The following STAC variants were observed in gnomAD, a reference collection of about 807,000 sequenced individuals.
STAC encodes SH3 and cysteine rich domain, also known as SH3 and cysteine-rich domain-containing protein.
A neutral mutation model predicts 48.8 loss-of-function variants in STAC; 43 were observed. The observed-to-expected ratio is 0.88, with a 90% confidence interval of 0.69 to 1.14. STAC has a LOEUF of 1.14. Ranked by LOEUF, STAC falls within the 50% of genes most tolerant of loss-of-function variation. The probability of loss-of-function intolerance (pLI) is 0.00; values close to 1 mark genes in which losing one functional copy is unlikely to be tolerated. For synonymous variants in STAC, 193 were observed against 179.5 expected (o/e 1.07, Z -0.60); for missense variants, 497 against 504.0 (o/e 0.99, Z 0.13).
At chr3:36,451,125 C>T (rs1696665066) in intron 2 of STAC, among the ~76,000 whole-genome samples, 1 of 152,090 alleles carries the variant, frequency 6.6e-6, no homozygotes. Flanking sequence ...GTGTTTCCTT[C>T]CATTTTGTGT....
intron 5 of STAC, among the ~76,000 whole-genome samples, chr3:36,488,161 G>A (rs1337576883): frequency 6.6e-6 from 1 of 152,146 alleles, no homozygotes; most frequent in African/African-American, 2.4e-5. Context: ...TCAAACTCCT[G>A]GAGTCAAATG....
chr3:36,428,132 T>C (rs1190503562), intron 1 of STAC, among the ~76,000 whole-genome samples: 2 of 152,242 alleles, frequency 1.3e-5, no homozygotes, highest in African/African-American at 2.4e-5. Flanking sequence ...GCTCTGCTCA[T>C]CTCTTGTCCA....
chr3:36,490,077 T>A (rs1697927233), intron 5 of STAC, among the ~76,000 whole-genome samples: 1 of 152,230 alleles, frequency 6.6e-6, no homozygotes, highest in Non-Finnish European at 1.5e-5. Context: ...AATTAAAAAC[T>A]AAAGTTTGCT....
chr3:36,419,235 C>G (rs73059984), intron 1 of STAC, among the ~76,000 whole-genome samples: 3,538 of 152,230 alleles, frequency 0.023, 61 homozygotes, highest in East Asian at 0.026. Context: ...CCTCCTCTTT[C>G]TCAGCATTTG....
chr3:36,534,697 C>A (rs1219509848), intron 10 of STAC, among the ~76,000 whole-genome samples: 1 of 151,954 alleles, frequency 6.6e-6, no homozygotes, highest in Non-Finnish European at 1.5e-5. Context: ...TTTTCCTCCT[C>A]TTCCTCCTCC....
intron 10 of STAC, among the ~76,000 whole-genome samples, chr3:36,545,163 C>A (rs879770326): frequency 6.6e-6 from 1 of 152,188 alleles, no homozygotes; most frequent in Admixed American, 6.5e-5. Flanking sequence ...GACAGCAGGA[C>A]CCTCTCTCCT....
chr3:36,449,433 G>A (rs901489032), intron 2 of STAC, among the ~76,000 whole-genome samples: 5 of 152,078 alleles, frequency 3.3e-5, no homozygotes, highest in Admixed American at 1.3e-4. Context: ...ACACTCGCAA[G>A]GGCAGATTCA....
chr3:36,530,879 T>C (rs1166845422), intron 10 of STAC, among the ~76,000 whole-genome samples: 2 of 152,142 alleles, frequency 1.3e-5, no homozygotes, highest in African/African-American at 2.4e-5. Context: ...ATTACAGGCG[T>C]GAGCCACTGC....
At chr3:36,516,459 C>T (rs1698675448) in intron 8 of STAC, among the ~76,000 whole-genome samples, 1 of 152,166 alleles carries the variant, frequency 6.6e-6, no homozygotes, top group South Asian at 2.1e-4. Flanking sequence ...TTTATACAGT[C>T]TCCTTTGCTA....
At chr3:36,499,314 G>T (rs763086046) in intron 6 of STAC, among the ~76,000 whole-genome samples, 50 of 152,228 alleles carry the variant, frequency 3.3e-4, no homozygotes, top group Admixed American at 6.5e-4. Flanking sequence ...TAAAACATTA[G>T]CTGAAATACT....
intron 10 of STAC, among the ~76,000 whole-genome samples, chr3:36,531,594 G>A (rs1699067337): frequency 6.6e-6 from 1 of 152,106 alleles, no homozygotes; most frequent in Admixed American, 6.6e-5. Flanking sequence ...TCTCACCACA[G>A]CCCACCCACC....
chr3:36,482,286 G>A (rs1213624174), intron 2 of STAC, among the ~76,000 whole-genome samples: 1 of 152,104 alleles, frequency 6.6e-6, no homozygotes, highest in Non-Finnish European at 1.5e-5. Flanking sequence ...CCTCTTATTA[G>A]GCCTCCCAGT....
chr3:36,542,822 C>A (rs1332971173), intron 10 of STAC, among the ~76,000 whole-genome samples: 2 of 152,172 alleles, frequency 1.3e-5, no homozygotes, highest in Non-Finnish European at 2.9e-5. Flanking sequence ...GACAGCTGTA[C>A]CCAGAAATCT....
chr3:36,510,014 T>C (rs1259722805), intron 8 of STAC, among the ~76,000 whole-genome samples: 1 of 151,802 alleles, frequency 6.6e-6, no homozygotes, highest in Non-Finnish European at 1.5e-5. Flanking sequence ...ATCATCAGAG[T>C]GAATAGGCAA....
chr3:36,421,207 T>C (rs111742843), intron 1 of STAC, among the ~76,000 whole-genome samples: 1 of 152,200 alleles, frequency 6.6e-6, no homozygotes, highest in East Asian at 1.9e-4. Context: ...AATGAGTACA[T>C]TAACTACATT....
At chr3:36,536,892 A>T (rs375177949) in intron 10 of STAC, among the ~76,000 whole-genome samples, 589 of 152,192 alleles carry the variant, frequency 3.9e-3, no homozygotes, top group Middle Eastern at 0.024. Flanking sequence ...GCAAAGGACA[A>T]GAACAGACAC....
chr3:36,475,283 A>T (rs1246402493), intron 2 of STAC, among the ~76,000 whole-genome samples: 1 of 151,966 alleles, frequency 6.6e-6, no homozygotes, highest in Admixed American at 6.6e-5. Context: ...TAATTCTACT[A>T]TGGAGCATTG....
At position 36,485,189 on chromosome 3, in the gene STAC, G is replaced by A. The variant is rs1253544561; in HGVS notation, c.571+131G>A. On this transcript the variant is annotated intron_variant, in intron 4 of 10. Coordinates refer to ENST00000273183, the MANE Select transcript of STAC (RefSeq NM_003149.3). The stretch of plus-strand genomic sequence containing the variant: ...TTTGTTTGGTGGCTATTTGGGGTAT[G>A]ACTGTGTGTTTTGCTGGAAGGGAAA... The A allele has an allele frequency of 2.6e-5, 16 of 620,120 alleles. No individual in the cohort carries two copies. The Admixed American group carries it at 6.2e-4, about 24-fold the overall frequency. The allele number at this position is 620,120 out of a possible 1,614,324, so 38.4% of individuals were successfully genotyped here.
chr3:36,464,470 G>A (rs993275636), intron 2 of STAC, among the ~76,000 whole-genome samples: 1 of 151,884 alleles, frequency 6.6e-6, no homozygotes, highest in African/African-American at 2.4e-5. Flanking sequence ...TAGATTTTCA[G>A]GGAACAGGTG....
Sources: gnomAD v4.1 joint callset for allele counts (sites outside exome capture counted in the v4.1 genomes callset) on GRCh38, gnomAD v4.1.1 for gene constraint, MANE v1.5 for transcripts, NCBI Gene and HGNC (gene_info 2026-07-23, HGNC 2026-07-21) for gene names.